Variants in SLCO5A1 observed in about 807,000 individuals in gnomAD.
The protein encoded by SLCO5A1 is solute carrier organic anion transporter family member 5A1, also known as organic anion transporter polypeptide-related protein 4.
In SLCO5A1, 39 loss-of-function variants were observed where a neutral mutation model predicts 65.1. The observed-to-expected ratio is 0.60, with a 90% CI of 0.46 to 0.78. The LOEUF (loss-of-function observed/expected upper bound fraction) is 0.78. Among genes scored for constraint, SLCO5A1 ranks in the 30% least tolerant of loss-of-function variants. SLCO5A1 has a pLI of 0.00. For missense variants in SLCO5A1, 1,029 were observed against 1,069.4 expected (o/e 0.96, Z 0.53); for synonymous variants, 438 against 415.7 (o/e 1.05, Z -0.65).
chr8:69,753,228 G>A (rs1459937018), intron 4 of SLCO5A1, among the ~76,000 whole-genome samples: 5 of 152,080 alleles, frequency 3.3e-5, no homozygotes, highest in East Asian at 3.9e-4. Flanking sequence ...GAGAGCCCAC[G>A]AAAGACACAG....
chr8:69,669,991 C>T lies in SLCO5A1; in HGVS notation c.*2878G>A, dbSNP rs1813283583. 6.6e-6 allele frequency: 1 copy of T among 152,162 alleles called. No homozygotes were observed. The highest frequency in any genetic ancestry group is 1.5e-5 in the Non-Finnish European group (1 of 68,028). 9.4% of individuals were successfully genotyped at this position (152,162 alleles called of 1,614,324 possible). ...TCCCCAACACCTTGACTCTGAATTA[C>T]TTTTGAATATTTTCAAGAATTAAAT... On this transcript the variant is annotated 3_prime_UTR_variant, in exon 10 of 10. Transcript: ENST00000260126.
At chr8:69,684,848 C>T (rs963580954) in intron 6 of SLCO5A1, among the ~76,000 whole-genome samples, 2 of 152,140 alleles carry the variant, frequency 1.3e-5, no homozygotes, top group African/African-American at 4.8e-5. Context: ...TGCATCACTA[C>T]AATGCACAGG....
intron 6 of SLCO5A1, among the ~76,000 whole-genome samples, chr8:69,698,282 G>C (rs1814584382): frequency 6.6e-6 from 1 of 152,118 alleles, no homozygotes; most frequent in Non-Finnish European, 1.5e-5. Context: ...TTGATTCCAT[G>C]TATTTGCTAT....
intron 2 of SLCO5A1, among the ~76,000 whole-genome samples, chr8:69,807,031 CAAGGCAATCCTAAGCAA>C (rs1586821335): frequency 2.0e-5 from 3 of 152,144 alleles, no homozygotes; most frequent in Non-Finnish European, 2.9e-5. Flanking sequence ...CTCGATTAGC[CAAGGCAATCCTAAGCAA>C]AAAGAATAAA....
At position 69,705,055 on chromosome 8, in the gene SLCO5A1, C is replaced by T. The variant is rs1220986891; in HGVS notation, c.1598G>A (p.Gly533Asp). 6.2e-7 allele frequency: 1 copy of T among 1,613,036 alleles called. No homozygotes were observed. The highest frequency in any genetic ancestry group is 8.5e-7 in the Non-Finnish European group (1 of 1,180,010). Residue 533 changes from glycine (G) to aspartate (D), a missense_variant, in exon 6 of 10, where the codon GGC (glycine) becomes GAC (aspartate). Around this residue, in one of 3 missense-constraint regions of SLCO5A1, gnomAD observed 124 missense variants for 184.5 expected, o/e 0.67. Coordinates refer to ENST00000260126, the MANE Select transcript of SLCO5A1 (RefSeq NM_030958.3). ...IVGCESINLG[G>D]INIPYTTGPS... The stretch of plus-strand genomic sequence containing the variant: ...CCCTGTTGTATAAGGGATGTTTATG[C>T]CCCCTAGATTAATGCTTTCACATCC...
chr8:69,726,496 CTTT>C lies in SLCO5A1; in HGVS notation c.1423+11541_1423+11543del, dbSNP rs1554613253. 5.6e-4 allele frequency among the ~76,000 whole-genome samples: 64 copies of C among 114,988 alleles called. 1 individual carries two copies. The highest frequency in any genetic ancestry group is 6.8e-4 in the Non-Finnish European group (37 of 54,576). 75.4% of individuals were successfully genotyped at this position (114,988 alleles called of 152,430 possible). ...GCTTTCTCTTTCATTTTCCTACCTC[CTTT>C]TTTTTTTTTTTTTTTGGGGGGACAG... is the stretch of plus-strand genomic sequence containing the variant. On this transcript the variant is annotated intron_variant, in intron 5 of 9. Transcript: ENST00000260126.
intron 2 of SLCO5A1, among the ~76,000 whole-genome samples, chr8:69,814,266 G>T (rs769630671): frequency 2.6e-5 from 4 of 152,028 alleles, no homozygotes; most frequent in African/African-American, 9.7e-5. Flanking sequence ...CCCACAGATC[G>T]CAAGAAAACA....
At chr8:69,740,041 A>G (rs1039602620) in intron 4 of SLCO5A1, among the ~76,000 whole-genome samples, 3 of 152,258 alleles carry the variant, frequency 2.0e-5, no homozygotes, top group Middle Eastern at 3.2e-3. Flanking sequence ...TTTTTCTTCT[A>G]TAGCCATTTG....
At chr8:69,757,447 G>A (rs1817583608) in intron 3 of SLCO5A1, among the ~76,000 whole-genome samples, 1 of 152,122 alleles carries the variant, frequency 6.6e-6, no homozygotes, top group Non-Finnish European at 1.5e-5. Context: ...CCAGCACCGA[G>A]ATGGGTGGAT....
chr8:69,743,636 A>C (rs1658964187), intron 4 of SLCO5A1, among the ~76,000 whole-genome samples: 1 of 152,196 alleles, frequency 6.6e-6, no homozygotes, highest in Non-Finnish European at 1.5e-5. Flanking sequence ...CCCAGGCTGG[A>C]GAGGGCTCTG....
At chr8:69,803,804 T>C (rs554411598) in intron 2 of SLCO5A1, among the ~76,000 whole-genome samples, 21 of 152,192 alleles carry the variant, frequency 1.4e-4, no homozygotes, top group South Asian at 1.0e-3. Context: ...CTGGGCAACA[T>C]AGCAAGATTC....
intron 2 of SLCO5A1, among the ~76,000 whole-genome samples, chr8:69,807,421 C>G (rs1267249775): frequency 6.6e-6 from 1 of 152,122 alleles, no homozygotes; most frequent in Admixed American, 6.5e-5. Flanking sequence ...CTACAGTCAT[C>G]GAGCTGTGCA....
chr8:69,805,170 T>C (rs1026273373), intron 2 of SLCO5A1, among the ~76,000 whole-genome samples: 3 of 151,926 alleles, frequency 2.0e-5, no homozygotes, highest in African/African-American at 7.3e-5. Context: ...TTCCAAAAGA[T>C]TGTTTGACAC....
rs778665068 is a variant in SLCO5A1 at position 69,755,632 on chromosome 8, T to A, written c.1050A>T (p.Gly350=). 1 of 1,609,830 alleles carries A rather than the reference T, an allele frequency of 6.2e-7. No homozygotes were observed. The highest frequency in any genetic ancestry group is 8.5e-7 in the Non-Finnish European group (1 of 1,178,254). ...DPRFIGNWWS[G]FLLCAIAMFL... ...ACATTGCAATGGCACAAAGGAGGAATCCACTCCACCTAAAAAATTGGAAAA... is the reference window on the plus strand; with the variant it reads ...ACATTGCAATGGCACAAAGGAGGAAACCACTCCACCTAAAAAATTGGAAAA... The change falls in exon 4 of 10, where the codon GGA becomes GGT. Residue 350 remains glycine, a synonymous_variant. Coordinates refer to ENST00000260126, the MANE Select transcript of SLCO5A1 (RefSeq NM_030958.3).
At chr8:69,781,728 G>T (rs1178601024) in intron 2 of SLCO5A1, among the ~76,000 whole-genome samples, 2 of 151,894 alleles carry the variant, frequency 1.3e-5, no homozygotes, top group African/African-American at 4.8e-5. Flanking sequence ...CGCGATCTCG[G>T]CTCATCACAA....
chr8:69,732,647 T>C (rs1436369785), intron 5 of SLCO5A1, among the ~76,000 whole-genome samples: 1 of 152,100 alleles, frequency 6.6e-6, no homozygotes, highest in Non-Finnish European at 1.5e-5. Flanking sequence ...AGAAAGACCA[T>C]GAGCAGGGAG....
chr8:69,794,549 A>G (rs1040925922), intron 2 of SLCO5A1: 4 of 359,088 alleles, frequency 1.1e-5, no homozygotes, highest in Non-Finnish European at 2.2e-5. Flanking sequence ...TATGTGGATC[A>G]GGATTTGTCA....
chr8:69,721,016 TGA>T (rs1405383390), intron 5 of SLCO5A1, among the ~76,000 whole-genome samples: 4 of 152,226 alleles, frequency 2.6e-5, no homozygotes, highest in Non-Finnish European at 5.9e-5. Flanking sequence ...AGTAACAGCT[TGA>T]CTTATGGCTG....
intron 2 of SLCO5A1, among the ~76,000 whole-genome samples, chr8:69,792,175 A>G (rs974581738): frequency 1.3e-5 from 2 of 152,206 alleles, no homozygotes; most frequent in Admixed American, 1.3e-4. Flanking sequence ...ATAGATTAAT[A>G]CCATTTCAAC....
Sources: gnomAD v4.1 joint callset for allele counts (sites outside exome capture counted in the v4.1 genomes callset) on GRCh38, gnomAD v4.1.1 for gene constraint, gnomAD v4.1.1 regional missense constraint, MANE v1.5 for transcripts, NCBI Gene and HGNC (gene_info 2026-07-23, HGNC 2026-07-21) for gene names.